RPGR: variants seen among roughly 807,000 people sequenced by gnomAD.
RPGR encodes the protein X-linked retinitis pigmentosa GTPase regulator.
RPGR carries 10 observed loss-of-function variants against 56.3 expected under a neutral mutation model. That is an observed-to-expected ratio of 0.18 (90% CI 0.11 to 0.30). The LOEUF (loss-of-function observed/expected upper bound fraction) is 0.30. Among genes scored for constraint, RPGR ranks in the 10% least tolerant of loss-of-function variants. The probability of loss-of-function intolerance (pLI) is 1.00; values close to 1 mark genes in which losing one functional copy is unlikely to be tolerated. For missense variants in RPGR, 538 were observed against 590.9 expected (o/e 0.91, Z 0.93); for synonymous variants, 197 against 212.9 (o/e 0.93, Z 0.65).
chrX:38,298,714 G>A (rs1374896122), intron 10 of RPGR, among the ~76,000 whole-genome samples: 1 of 111,606 alleles, frequency 9.0e-6, no homozygotes, highest in Non-Finnish European at 1.9e-5. Flanking sequence ...TAGCACCATT[G>A]TCTATATGCA....
intron 7 of RPGR, among the ~76,000 whole-genome samples, chrX:38,306,897 G>A (rs1222855619): frequency 1.8e-5 from 2 of 112,310 alleles, no homozygotes; most frequent in African/African-American, 3.2e-5. Context: ...TCTTATTTAA[G>A]GACATTATAT....
rs113968324 is a variant in RPGR, at chrX:38,269,709, C to T, written c.2365G>A (p.Asp789Asn). The change falls in exon 19 of 19, where the codon GAC (aspartate) becomes AAC (asparagine). Residue 789 changes from aspartate to asparagine, a missense_variant. By Grantham distance (23) the Asp-to-Asn change is conservative. Coordinates refer to ENST00000642395, the MANE Select transcript of RPGR (RefSeq NM_000328.3). ...TGATTCTGACTCATGTGGTTCTGGT[C>T]GGCATCTTTATTATCACTTTTTAAA... is the stretch of plus-strand genomic sequence containing the variant. 238 of 1,206,564 alleles carry T rather than the reference C, an allele frequency of 2.0e-4. 2 individuals are homozygous for T. In the African/African-American group the frequency reaches 3.5e-3, roughly 18 times the overall value.
intron 5 of RPGR, 143 bp downstream of exon 5, chrX:38,318,686 T>C (rs1459328665): frequency 1.7e-6 from 1 of 602,597 alleles, no homozygotes; most frequent in African/African-American, 2.3e-5. Context: ...GATTTAAAGT[T>C]ATATTTTAAA....
intron 17 of RPGR, chrX:38,273,627 T>G: frequency 2.5e-6 from 1 of 404,305 alleles, no homozygotes; most frequent in Non-Finnish European, 4.3e-6. Context: ...ACACTGCATA[T>G]TTCCTGAAAA....
rs199661899 is a variant in RPGR at position 38,299,038 on chromosome X, G to A, written c.1163C>T (p.Ala388Val). The change falls in exon 10 of 19, where the codon GCG (alanine) becomes GTG (valine). Residue 388 changes from alanine (A) to valine (V), a missense_variant. Physicochemically the swap from Ala to Val is moderately conservative, Grantham distance 64. Transcript: ENST00000642395. The stretch of plus-strand genomic sequence containing the variant: ...TAAACTGCTATACGGCAGAAAAGTC[G>A]CCACAGATAAGCAAGTATCATTTAT... 1.5e-4 allele frequency: 185 copies of A among 1,209,504 alleles called. No homozygotes were observed. Among genetic ancestry groups the A allele is most frequent in the African/African-American group, 8.8e-5 (5 of 57,053 alleles).
Position 38,317,413 on chromosome X carries a change from T to A in RPGR, c.522A>T (p.Leu174Phe). ...GGACACAGACATTACTTACATTTTT[T>A]AAACCAATTTGCCCTTCGGAATTGT... Residue 174 changes from leucine to phenylalanine, a missense_variant, in exon 6 of 19, where the codon TTA becomes TTT. Around this residue, in one of 2 missense-constraint regions of RPGR, gnomAD observed 181 missense variants for 265.1 expected, o/e 0.68. Coordinates refer to ENST00000642395, the MANE Select transcript of RPGR (RefSeq NM_000328.3). 1 of 1,209,888 alleles carries A rather than the reference T, an allele frequency of 8.3e-7. No homozygotes were observed. Among genetic ancestry groups the A allele is most frequent in the Non-Finnish European group, 1.1e-6 (1 of 894,052 alleles).
intron 15 of RPGR, chrX:38,276,917 T>C: frequency 1.0e-5 from 5 of 493,151 alleles, no homozygotes; most frequent in Non-Finnish European, 1.7e-5. Context: ...AAAAAAATAC[T>C]GTACAGTCCA....
At chrX:38,286,497 C>A in intron 15 of RPGR, 1 of 992,480 alleles carries the variant, frequency 1.0e-6, no homozygotes, top group Admixed American at 4.2e-5. Context: ...CCTCTTCCCC[C>A]TCACCCTCCT....
rs146920569 is a variant in RPGR, at chrX:38,318,877, T to C, written c.421A>G (p.Lys141Glu). Reference sequence around the variant, plus strand: ...GATCCAGCAGACAGCTGCTTAATCTTATGCTCGGATGTAAAAAAGCTAATT... The same window carrying C: ...GATCCAGCAGACAGCTGCTTAATCTCATGCTCGGATGTAAAAAAGCTAATT... The change falls in exon 5 of 19, where the codon AAG becomes GAG. Residue 141 changes from lysine (K) to glutamate (E), a missense_variant. Coordinates refer to ENST00000642395, the MANE Select transcript of RPGR (RefSeq NM_000328.3). The C allele has an allele frequency of 8.3e-7, 1 of 1,211,685 alleles. No individual in the cohort carries two copies. Among genetic ancestry groups the C allele is most frequent in the African/African-American group, 1.7e-5 (1 of 57,816 alleles).
At chrX:38,314,246 A>G (rs1226503777) in intron 6 of RPGR, among the ~76,000 whole-genome samples, 1 of 111,731 alleles carries the variant, frequency 9.0e-6, no homozygotes, top group Non-Finnish European at 1.9e-5. Context: ...AATCCATATA[A>G]AATGTTTTAT....
chrX:38,286,993 C>A, intron 15 of RPGR: 1 of 1,210,217 alleles, frequency 8.3e-7, no homozygotes, highest in Non-Finnish European at 1.1e-6. Flanking sequence ...CTCATCTTGC[C>A]AGTGTTCTGC....
At chrX:38,327,231 G>T in intron 1 of RPGR, 109 bp downstream of exon 1, 1 of 812,234 alleles carries the variant, frequency 1.2e-6, no homozygotes. Context: ...CCCCAGTCCG[G>T]CTGCCAAGCC....
chrX:38,284,470 G>C (rs1043964924), intron 15 of RPGR: 3 of 749,601 alleles, frequency 4.0e-6, no homozygotes, highest in Non-Finnish European at 4.7e-6. Flanking sequence ...TGAAATTACA[G>C]AACAGTCAGT....
At chrX:38,274,246 C>T (rs941325250) in intron 17 of RPGR, among the ~76,000 whole-genome samples, 4 of 109,876 alleles carry the variant, frequency 3.6e-5, no homozygotes, top group Non-Finnish European at 7.6e-5. Context: ...ATCACAGTCT[C>T]CTCTATTCCA....
rs771903839 is a variant in RPGR at position 38,302,786 on chromosome X, T to G, written c.935-1415A>C. On this transcript the variant is annotated intron_variant, in intron 8 of 18. Transcript: ENST00000642395. ...ATGTAAGTAAGTGCTATTCAGTGTT[T>G]GGACTCTTTAGACTACCTTTTTTTT... is the stretch of plus-strand genomic sequence containing the variant. 1.8e-4 allele frequency: 19 copies of G among 108,247 alleles called. 1 individual carries two copies. Among genetic ancestry groups the G allele is most frequent in the African/African-American group, 6.0e-4 (18 of 29,848 alleles). 8.9% of individuals were successfully genotyped at this position (108,247 alleles called of 1,213,427 possible).
intron 8 of RPGR, 73 bp from the exon 9 acceptor site, chrX:38,301,444 T>A (rs993047881): frequency 4.1e-5 from 38 of 927,652 alleles, no homozygotes; most frequent in African/African-American, 7.8e-5. Context: ...CAGATAAACA[T>A]GTTAACTCAT....
At chrX:38,297,730 A>T (rs901010378) in intron 10 of RPGR, among the ~76,000 whole-genome samples, 1 of 111,600 alleles carries the variant, frequency 9.0e-6, no homozygotes, top group Non-Finnish European at 1.9e-5. Flanking sequence ...GAAACAAAAA[A>T]TTACTTAGGA....
At chrX:38,270,503 G>C (rs1408945040) in intron 18 of RPGR, among the ~76,000 whole-genome samples, 1 of 104,922 alleles carries the variant, frequency 9.5e-6, no homozygotes, top group Non-Finnish European at 2.0e-5. Flanking sequence ...GGCACCTGTA[G>C]TCCCAGCTAC....
intron 2 of RPGR, among the ~76,000 whole-genome samples, chrX:38,323,184 T>C (rs1211258679): frequency 8.9e-5 from 10 of 112,118 alleles, no homozygotes; most frequent in African/African-American, 3.2e-4. Context: ...TCCAAGAAAG[T>C]TGTGTGTATA....
Sources: allele counts gnomAD v4.1 joint callset (sites outside exome capture counted in the v4.1 genomes callset), GRCh38; gene constraint gnomAD v4.1.1; regional missense constraint gnomAD v4.1.1; transcripts MANE v1.5; gene names NCBI Gene and HGNC (gene_info 2026-07-23, HGNC 2026-07-21).